The following NEDD4L variants were observed in gnomAD, a reference collection of about 807,000 sequenced individuals.
NEDD4L encodes E3 ubiquitin-protein ligase NEDD4-like.
NEDD4L carries 54 observed loss-of-function variants against 148.9 expected under a neutral mutation model. That is an observed-to-expected ratio of 0.36 (90% CI 0.29 to 0.45). NEDD4L has a LOEUF of 0.45. NEDD4L is among the 20% of genes least tolerant of loss of function. The pLI is 1.00. For missense variants in NEDD4L, 856 were observed against 1,233.8 expected, an observed-to-expected ratio of 0.69 and a Z score of 4.59; for synonymous variants, 433 against 440.7, an observed-to-expected ratio of 0.98 and a Z score of 0.22.
At chr18:58,075,778 TAAATTAG>T (rs1466617125) in intron 1 of NEDD4L, among the ~76,000 whole-genome samples, 3 of 151,902 alleles carry the variant, frequency 2.0e-5, no homozygotes, top group Non-Finnish European at 2.9e-5. Context: ...ATTTTTTTTT[TAAATTAG>T]CTGGTGGTGG....
Position 58,254,560 on chromosome 18 carries a change from C to CAA in NEDD4L, c.297+2521_297+2522dup, listed in dbSNP as rs71173040. ...TGTGGTATTTAAGTTAAATTATTAC[C>CAA]AAAAAAAAAAAAAAAAGCCCACATG... is the stretch of plus-strand genomic sequence containing the variant. On this transcript the variant is annotated intron_variant, in intron 5 of 30. Coordinates refer to ENST00000400345, the MANE Select transcript of NEDD4L (RefSeq NM_001144967.3). Among the ~76,000 whole-genome samples the CAA allele has an allele frequency of 3.6e-3, 403 of 111,948 alleles. 7 individuals carry two copies. The highest frequency in any genetic ancestry group is 6.2e-3 in the South Asian group (21 of 3,364). The allele number at this position is 111,948 out of a possible 152,430, so 73.4% of individuals were successfully genotyped here.
At position 58,366,163 on chromosome 18, in the gene NEDD4L, A is replaced by ATGGT; in HGVS notation, c.2000_2003dup (p.Phe668LeufsTer18). 6.2e-7 allele frequency: 1 copy of ATGGT among 1,613,582 alleles called. No homozygotes were observed. Among genetic ancestry groups the ATGGT allele is most frequent in the Non-Finnish European group, 8.5e-7 (1 of 1,179,764 alleles). On this transcript the variant is annotated frameshift_variant, in exon 21 of 31. Transcript: ENST00000400345. LOFTEE classifies it high-confidence loss of function. The surrounding 1 kb of genome is among the most constrained non-coding windows in gnomAD (Gnocchi z 4.2). Reference sequence around the variant, plus strand: ...TTGACTATGGGGGTGTGGCCAGAGAATGGTTCTTCTTACTGTCCAAAGAGA... The same window carrying ATGGT: ...TTGACTATGGGGGTGTGGCCAGAGAATGGTTGGTTCTTCTTACTGTCCAAAGAGA...
intron 5 of NEDD4L, among the ~76,000 whole-genome samples, chr18:58,311,496 T>C (rs1293030613): frequency 2.0e-5 from 3 of 152,308 alleles, no homozygotes; most frequent in East Asian, 1.9e-4. Context: ...GCGTGACCTG[T>C]GGGTAGCCCT....
At chr18:58,235,597 C>T (rs893551027) in intron 2 of NEDD4L, among the ~76,000 whole-genome samples, 10 of 152,180 alleles carry the variant, frequency 6.6e-5, no homozygotes, top group African/African-American at 2.4e-4. Flanking sequence ...TTTAGTTAGA[C>T]ACAGCTCGGT....
chr18:58,127,771 G>A (rs1230469922), intron 1 of NEDD4L, among the ~76,000 whole-genome samples: 1 of 150,450 alleles, frequency 6.6e-6, no homozygotes, highest in African/African-American at 2.4e-5. Flanking sequence ...AACACGGGAG[G>A]CGGAGTTTGC....
At chr18:58,228,090 A>C (rs1238221854) in intron 2 of NEDD4L, among the ~76,000 whole-genome samples, 3 of 152,066 alleles carry the variant, frequency 2.0e-5, no homozygotes, top group Non-Finnish European at 4.4e-5. Flanking sequence ...CATTACCCCC[A>C]TGTCCCATTT....
intron 5 of NEDD4L, among the ~76,000 whole-genome samples, chr18:58,298,235 C>T (rs529857478): frequency 6.6e-6 from 1 of 152,058 alleles, no homozygotes; most frequent in East Asian, 1.9e-4. Flanking sequence ...TAGAAATATC[C>T]CTATAAAAGA....
rs917515421 is a variant in NEDD4L, at chr18:58,398,249, G to A, written c.*1980G>A. 9.1e-5 allele frequency: 12 copies of A among 131,746 alleles called. No homozygotes were observed. The highest frequency in any genetic ancestry group is 1.4e-4 in the Non-Finnish European group (9 of 64,700). The allele number at this position is 131,746 out of a possible 1,614,324, so 8.2% of individuals were successfully genotyped here. ...AGATGTTTTCCGCTACAGTTAACAT[G>A]ACAAATGTCTCAGTGGCAAAAATCC... On this transcript the variant is annotated 3_prime_UTR_variant, in exon 31 of 31. Transcript: ENST00000400345.
At chr18:58,123,823 C>G (rs575576447) in intron 1 of NEDD4L, among the ~76,000 whole-genome samples, 2 of 152,124 alleles carry the variant, frequency 1.3e-5, no homozygotes, top group East Asian at 3.9e-4. Context: ...CCTGCTGCCG[C>G]GGAGGCTTCC....
At chr18:58,314,197 G>A (rs1210737589) in intron 5 of NEDD4L, among the ~76,000 whole-genome samples, 7 of 152,120 alleles carry the variant, frequency 4.6e-5, no homozygotes, top group African/African-American at 4.8e-5. Context: ...AGGGCAGATC[G>A]TTGGAGGTCA....
At chr18:58,055,784 C>T (rs2082062434) in intron 1 of NEDD4L, among the ~76,000 whole-genome samples, 1 of 152,228 alleles carries the variant, frequency 6.6e-6, no homozygotes, top group African/African-American at 2.4e-5. Context: ...AATTTCCATC[C>T]TTCTGTGCAC....
intron 19 of NEDD4L, among the ~76,000 whole-genome samples, 197 bp from the exon 20 acceptor site, chr18:58,364,071 T>C (rs577999594): frequency 6.6e-6 from 1 of 152,312 alleles, no homozygotes; most frequent in South Asian, 2.1e-4. Context: ...AAAGCTGCAT[T>C]CAAAGCTGAT....
intron 1 of NEDD4L, among the ~76,000 whole-genome samples, chr18:58,076,699 A>G (rs1382502918): frequency 6.6e-6 from 1 of 152,116 alleles, no homozygotes; most frequent in Non-Finnish European, 1.5e-5. Context: ...AGTGGTTTTC[A>G]GATCCTGCTG....
intron 1 of NEDD4L, among the ~76,000 whole-genome samples, chr18:58,068,554 A>G (rs1295780655): frequency 6.6e-6 from 1 of 152,144 alleles, no homozygotes; most frequent in Non-Finnish European, 1.5e-5. Context: ...CTTAATCATG[A>G]TTTGCTTTTA....
intron 27 of NEDD4L, chr18:58,388,212 C>T (rs1243140080): frequency 6.6e-6 from 1 of 152,212 alleles, no homozygotes. Context: ...GTTGAGAAGC[C>T]GTTGGTGGGA....
intron 13 of NEDD4L, 97 bp from the exon 14 acceptor site, chr18:58,340,941 T>C (rs1271598141): frequency 7.9e-7 from 1 of 1,270,598 alleles, no homozygotes; most frequent in Non-Finnish European, 1.1e-6. Flanking sequence ...ATTAACTTTG[T>C]CTAGAGAAAA....
chr18:58,082,753 A>G (rs1484020310), intron 1 of NEDD4L, among the ~76,000 whole-genome samples: 1 of 145,808 alleles, frequency 6.9e-6, no homozygotes, highest in Admixed American at 7.1e-5. Context: ...ACACCACTGC[A>G]CTCTGGCCTG....
chr18:58,329,100 G>T lies in NEDD4L; in HGVS notation c.786G>T (p.Glu262Asp). The change falls in exon 10 of 31, where the codon GAG becomes GAT. Residue 262 changes from glutamate (E) to aspartate (D), a missense_variant. By Grantham distance (45) the Glu-to-Asp change is conservative. Coordinates refer to ENST00000400345, the MANE Select transcript of NEDD4L (RefSeq NM_001144967.3). The part of the protein sequence containing the change: ...RRHISEDLEP[E>D]PSEGGDVPEP... ...ACATCAGCGAAGACTTGGAGCCCGA[G>T]CCCTCGGAGGGCGGGGATGTCCCCG... is the stretch of plus-strand genomic sequence containing the variant. 1 of 1,614,010 alleles carries T rather than the reference G, an allele frequency of 6.2e-7. No homozygotes were observed. The highest frequency in any genetic ancestry group is 8.5e-7 in the Non-Finnish European group (1 of 1,179,884).
At chr18:58,385,197 T>C (rs1393360386) in intron 25 of NEDD4L, among the ~76,000 whole-genome samples, 1 of 152,216 alleles carries the variant, frequency 6.6e-6, no homozygotes, top group Non-Finnish European at 1.5e-5. Flanking sequence ...ACTTTTCCCT[T>C]TTCTCCATGT....
Sources: gnomAD v4.1 joint callset for allele counts (sites outside exome capture counted in the v4.1 genomes callset) on GRCh38, gnomAD v4.1.1 for gene constraint, Gnocchi (gnomAD v3.1) non-coding constraint, MANE v1.5 for transcripts, NCBI Gene and HGNC (gene_info 2026-07-23, HGNC 2026-07-21) for gene names.